Variants in ZNF804A observed in about 807,000 individuals in gnomAD.
The protein encoded by ZNF804A is zinc finger protein 804A.
A neutral mutation model predicts 16.5 loss-of-function variants in ZNF804A; 2 were observed. The observed-to-expected ratio is 0.12, with a 90% confidence interval of 0.05 to 0.38. The LOEUF is 0.38. Among genes scored for constraint, ZNF804A ranks in the 10% least tolerant of loss-of-function variants. The probability of loss-of-function intolerance (pLI) is 0.99; values close to 1 mark genes in which losing one functional copy is unlikely to be tolerated. For synonymous variants in ZNF804A, 534 were observed against 489.6 expected (o/e 1.09, Z -1.20); for missense variants, 1,473 against 1,390.7 (o/e 1.06, Z -0.94).
Position 184,783,750 on chromosome 2 carries a change from T to C in ZNF804A, c.112-82619T>C, listed in dbSNP as rs186038031. On this transcript the variant is annotated intron_variant, in intron 1 of 3. Transcript: ENST00000302277. The stretch of plus-strand genomic sequence containing the variant: ...TGCCCTTTCCATAGCACATCTAAGC[T>C]CTGGAAGTCGTTGTTATCTCACTGA... Among the ~76,000 whole-genome samples the C allele has an allele frequency of 2.1e-3, 325 of 152,014 alleles. 1 individual carries two copies. The highest frequency in any genetic ancestry group is 3.7e-3 in the Non-Finnish European group (254 of 67,910).
intron 1 of ZNF804A, among the ~76,000 whole-genome samples, chr2:184,738,646 C>T (rs752979568): frequency 6.6e-6 from 1 of 152,148 alleles, no homozygotes; most frequent in Non-Finnish European, 1.5e-5. Context: ...TTTCCAACAA[C>T]CCCACCTTTG....
At chr2:184,738,126 A>G in intron 1 of ZNF804A, among the ~76,000 whole-genome samples, 1 of 122,968 alleles carries the variant, frequency 8.1e-6, no homozygotes, top group South Asian at 2.7e-4. Flanking sequence ...AACTTTGTCT[A>G]AAAAAAAAAA....
At chr2:184,874,745 G>C (rs562788763) in intron 2 of ZNF804A, among the ~76,000 whole-genome samples, 1 of 151,956 alleles carries the variant, frequency 6.6e-6, no homozygotes, top group Non-Finnish European at 1.5e-5. Flanking sequence ...GCCCATACCA[G>C]CCTCTTTTTA....
rs539157537 is a variant in ZNF804A, at chr2:184,754,661, A to G, written c.112-111708A>G. On this transcript the variant is annotated intron_variant, in intron 1 of 3. Transcript: ENST00000302277. ...CAGCTTTGTTTTTTCTTTGAATTAT[A>G]TATTTATCATTGCAGTATTTGGTAT... Among the ~76,000 whole-genome samples, 15 of 152,022 alleles carry G rather than the reference A, an allele frequency of 9.9e-5. No homozygotes were observed. The East Asian group carries it at 2.5e-3, about 26-fold the overall frequency.
chr2:184,802,143 C>G lies in ZNF804A; in HGVS notation c.112-64226C>G, dbSNP rs542769710. ...CCGAAGAAAGGGTACCTTTCAGAAT[C>G]CTGTGATTAAATCTTAGCCTTGTAT... is the stretch of plus-strand genomic sequence containing the variant. On this transcript the variant is annotated intron_variant, in intron 1 of 3. Transcript: ENST00000302277. 5.3e-5 allele frequency among the ~76,000 whole-genome samples: 8 copies of G among 152,104 alleles called. No individual in the cohort carries two copies. The South Asian group carries it at 1.5e-3, about 28-fold the overall frequency.
chr2:184,910,183 G>A (rs1685333859), intron 2 of ZNF804A, among the ~76,000 whole-genome samples: 1 of 151,910 alleles, frequency 6.6e-6, no homozygotes, highest in African/African-American at 2.4e-5. Context: ...TTTTGTGTAT[G>A]AGCACCAAAT....
chr2:184,925,881 T>C (rs1685602090), intron 2 of ZNF804A, among the ~76,000 whole-genome samples: 1 of 151,858 alleles, frequency 6.6e-6, no homozygotes, highest in Non-Finnish European at 1.5e-5. Flanking sequence ...ATTTTATTTT[T>C]TGTTGTTTCT....
rs2105843846 is a variant in ZNF804A, at chr2:184,936,392, A to C, written c.996A>C (p.Ala332=). The C allele has an allele frequency of 6.2e-7, 1 of 1,614,032 alleles. No individual in the cohort carries two copies. The change falls in exon 4 of 4, where the codon GCA becomes GCC. Residue 332 remains alanine (A), a synonymous_variant. Transcript: ENST00000302277. ...ADNCQNSVPL[A]DQIPLESVVI... ...ATTGTCAAAATTCAGTCCCATTAGC[A>C]GATCAAATACCACTAGAGAGTGTTG... is the stretch of plus-strand genomic sequence containing the variant.
chr2:184,865,198 AAGG>A (rs1695861338), intron 1 of ZNF804A, among the ~76,000 whole-genome samples: 1 of 151,974 alleles, frequency 6.6e-6, no homozygotes, highest in African/African-American at 2.4e-5. Flanking sequence ...CTGAATTTTA[AAGG>A]AGTTGTATAT....
In ZNF804A at chr2:184,779,142, G is replaced by T. The variant is rs1402176428; in HGVS notation, c.112-87227G>T. On this transcript the variant is annotated intron_variant, in intron 1 of 3. Coordinates refer to ENST00000302277, the MANE Select transcript of ZNF804A (RefSeq NM_194250.2). ...TCTTAAAAAATACTCTTGTGGTTCT[G>T]AGGTCACTAGGATGCCATATTCTGA... Among the ~76,000 whole-genome samples, 3 of 151,548 alleles carry T rather than the reference G, an allele frequency of 2.0e-5. No individual in the cohort carries two copies. In the East Asian group the frequency reaches 5.8e-4, roughly 29 times the overall value.
intron 2 of ZNF804A, among the ~76,000 whole-genome samples, chr2:184,933,379 G>C (rs1685735150): frequency 6.6e-6 from 1 of 152,096 alleles, no homozygotes; most frequent in South Asian, 2.1e-4. Flanking sequence ...ATTTGCCTAA[G>C]GCATAGATAT....
intron 1 of ZNF804A, among the ~76,000 whole-genome samples, chr2:184,819,703 T>A (rs565686323): frequency 6.6e-6 from 1 of 151,012 alleles, no homozygotes; most frequent in East Asian, 1.9e-4. Context: ...GAGGGAAGAA[T>A]CAAATGACAC....
At chr2:184,694,277 A>G (rs1692784466) in intron 1 of ZNF804A, among the ~76,000 whole-genome samples, 1 of 152,028 alleles carries the variant, frequency 6.6e-6, no homozygotes, top group Admixed American at 6.6e-5. Flanking sequence ...CTAAAGTAAC[A>G]TCTTCTGTTA....
At chr2:184,826,960 ATAG>A (rs1695177853) in intron 1 of ZNF804A, among the ~76,000 whole-genome samples, 1 of 151,992 alleles carries the variant, frequency 6.6e-6, no homozygotes, top group African/African-American at 2.4e-5. Context: ...ATTCTTTTAT[ATAG>A]TTTTTACTTC....
chr2:184,690,191 G>A lies in ZNF804A; in HGVS notation c.111+91121G>A, dbSNP rs529236674. Among the ~76,000 whole-genome samples, 403 of 137,794 alleles carry A rather than the reference G, an allele frequency of 2.9e-3. 1 individual carries two copies. Among genetic ancestry groups the A allele is most frequent in the African/African-American group, 9.9e-3 (384 of 38,694 alleles). 90.4% of individuals were successfully genotyped at this position (137,794 alleles called of 152,430 possible). A position where few individuals can be genotyped will look rare whatever the true frequency, so the allele number is the denominator to read the frequency against. On this transcript the variant is annotated intron_variant, in intron 1 of 3. Transcript: ENST00000302277. ...CAGCATTGCATTAAGAAAGTCTCAG[G>A]AAAAAAAAAAAAAGTGATATAATAA...
chr2:184,653,913 G>A (rs962499790), intron 1 of ZNF804A, among the ~76,000 whole-genome samples: 3 of 152,186 alleles, frequency 2.0e-5, no homozygotes. Flanking sequence ...CCCTGGTGCT[G>A]GCTGCGACCA....
At chr2:184,788,298 C>T (rs1250956558) in intron 1 of ZNF804A, among the ~76,000 whole-genome samples, 1 of 151,726 alleles carries the variant, frequency 6.6e-6, no homozygotes, top group Non-Finnish European at 1.5e-5. Flanking sequence ...GTTCTTTTTG[C>T]TTTGGAATGC....
rs572200100 is a variant in ZNF804A at position 184,931,954 on chromosome 2, G to A, written c.256-1649G>A. Reference sequence around the variant, plus strand: ...CCAAAAAGTTTCACAAATCTCTAGGGCAGGGGCAAAATGTCATCAGTCTTT... The same window carrying A: ...CCAAAAAGTTTCACAAATCTCTAGGACAGGGGCAAAATGTCATCAGTCTTT... On this transcript the variant is annotated intron_variant, in intron 2 of 3. Transcript: ENST00000302277. Among the ~76,000 whole-genome samples, 34 of 152,242 alleles carry A rather than the reference G, an allele frequency of 2.2e-4. 1 individual carries two copies. The highest frequency in any genetic ancestry group is 4.0e-4 in the Non-Finnish European group (27 of 68,024).
intron 1 of ZNF804A, among the ~76,000 whole-genome samples, chr2:184,757,412 T>C (rs977533390): frequency 1.3e-5 from 2 of 151,948 alleles, no homozygotes; most frequent in African/African-American, 4.8e-5. Context: ...GCTTGAATTA[T>C]TGCAACTATC....
Sources: gnomAD v4.1 joint callset for allele counts (sites outside exome capture counted in the v4.1 genomes callset) on GRCh38, gnomAD v4.1.1 for gene constraint, MANE v1.5 for transcripts, NCBI Gene and HGNC (gene_info 2026-07-23, HGNC 2026-07-21) for gene names.